NCKAP5: variants seen among roughly 807,000 people sequenced by gnomAD.
NCKAP5 encodes nck-associated protein 5.
A neutral mutation model predicts 167.0 loss-of-function variants in NCKAP5; 92 were observed. The observed-to-expected ratio is 0.55, with a 90% CI of 0.47 to 0.66. The LOEUF (loss-of-function observed/expected upper bound fraction) is 0.66, where lower values mean the gene tolerates loss of function less well. Ranked by LOEUF, NCKAP5 falls within the 30% of genes least tolerant of loss-of-function variation. The pLI, the probability that NCKAP5 is intolerant of heterozygous loss-of-function variation, is 0.00. For missense variants in NCKAP5, 2,378 were observed against 2,315.0 expected (o/e 1.03, Z -0.56); for synonymous variants, 891 against 877.4 (o/e 1.02, Z -0.27).
intron 11 of NCKAP5, among the ~76,000 whole-genome samples, chr2:132,855,874 G>C (rs1480165098): frequency 1.3e-5 from 2 of 152,142 alleles, no homozygotes; most frequent in Non-Finnish European, 2.9e-5. Context: ...ACATTTAAAA[G>C]TGTATAATGG....
chr2:133,172,318 G>C (rs183318310), intron 5 of NCKAP5, among the ~76,000 whole-genome samples: 1 of 152,294 alleles, frequency 6.6e-6, no homozygotes, highest in East Asian at 1.9e-4. Context: ...ACTCCAAACA[G>C]AGGAGCCCAG....
chr2:132,824,029 T>G (rs1172223133), intron 11 of NCKAP5, among the ~76,000 whole-genome samples: 2 of 152,164 alleles, frequency 1.3e-5, no homozygotes, highest in Non-Finnish European at 2.9e-5. Context: ...AGCTCCCAAA[T>G]GTATTGGGGT....
At chr2:132,830,199 T>C (rs1381570240) in intron 11 of NCKAP5, among the ~76,000 whole-genome samples, 1 of 152,230 alleles carries the variant, frequency 6.6e-6, no homozygotes, top group Admixed American at 6.5e-5. Context: ...CATGCTAGTC[T>C]TTCCAGCTCC....
chr2:132,813,267 C>T (rs1225828114), intron 11 of NCKAP5, among the ~76,000 whole-genome samples: 1 of 152,220 alleles, frequency 6.6e-6, no homozygotes, highest in Non-Finnish European at 1.5e-5. Flanking sequence ...GAGTTAGGAT[C>T]TCATTCCATC....
chr2:132,971,215 T>C (rs551594758), intron 7 of NCKAP5, among the ~76,000 whole-genome samples: 1 of 152,202 alleles, frequency 6.6e-6, no homozygotes, highest in African/African-American at 2.4e-5. Context: ...AGTTTCAAGG[T>C]GCTTTGAGAA....
At chr2:133,396,928 C>G (rs1295423884) in intron 3 of NCKAP5, among the ~76,000 whole-genome samples, 1 of 152,174 alleles carries the variant, frequency 6.6e-6, no homozygotes, top group African/African-American at 2.4e-5. Flanking sequence ...TTACTCTGAG[C>G]TTCCTGACTG....
the NCKAP5 span, among the ~76,000 whole-genome samples, chr2:133,668,660 A>G: frequency 6.6e-6 from 1 of 152,062 alleles, no homozygotes; most frequent in Non-Finnish European, 1.5e-5. Context: ...GTTGAGTTAT[A>G]AGCTTTCTCT....
chr2:132,954,897 C>T, intron 8 of NCKAP5: 1 of 317,842 alleles, frequency 3.1e-6, no homozygotes, highest in Non-Finnish European at 6.1e-6. Context: ...AAACTTCAAG[C>T]CCCTTTACCA....
chr2:133,576,746 G>C, the NCKAP5 span, among the ~76,000 whole-genome samples: 1 of 152,230 alleles, frequency 6.6e-6, no homozygotes, highest in Non-Finnish European at 1.5e-5. Flanking sequence ...AAAATAAAGT[G>C]CAGCTAATTG....
chr2:132,985,049 G>C (rs1415130770), intron 7 of NCKAP5, among the ~76,000 whole-genome samples: 1 of 151,540 alleles, frequency 6.6e-6, no homozygotes, highest in African/African-American at 2.4e-5. Context: ...AGATGAGCTG[G>C]GGAAACAGCG....
intron 6 of NCKAP5, chr2:133,118,959 C>T (rs780675153): frequency 1.3e-5 from 2 of 152,102 alleles, no homozygotes; most frequent in East Asian, 1.9e-4. Flanking sequence ...ACCTTCCTTA[C>T]AAACTTTGAA....
intron 3 of NCKAP5, among the ~76,000 whole-genome samples, chr2:133,456,196 A>G (rs907302209): frequency 6.6e-6 from 1 of 152,196 alleles, no homozygotes; most frequent in African/African-American, 2.4e-5. Flanking sequence ...TTCTTCACTA[A>G]CAAAACCCCC....
the NCKAP5 span, among the ~76,000 whole-genome samples, chr2:133,582,077 C>A: frequency 6.6e-6 from 1 of 152,172 alleles, no homozygotes; most frequent in African/African-American, 2.4e-5. Context: ...ATATCAATGG[C>A]CTCCTACTGA....
At chr2:133,232,871 A>G (rs1327408983) in intron 4 of NCKAP5, among the ~76,000 whole-genome samples, 5 of 152,230 alleles carry the variant, frequency 3.3e-5, no homozygotes, top group Non-Finnish European at 5.9e-5. Context: ...ACATCTTGAT[A>G]AGAATATACC....
chr2:133,092,869 A>G (rs1347989769), intron 6 of NCKAP5, among the ~76,000 whole-genome samples: 1 of 152,202 alleles, frequency 6.6e-6, no homozygotes, highest in Non-Finnish European at 1.5e-5. Context: ...AATCAGAATT[A>G]GAGGAATATA....
chr2:132,790,350 A>G (rs1290582615), intron 12 of NCKAP5, 145 bp from the exon 13 acceptor site: 2 of 711,202 alleles, frequency 2.8e-6, no homozygotes, highest in Admixed American at 5.8e-5. Context: ...GTAACTGGAA[A>G]ATCAGCTGAA....
At chr2:132,718,963 TG>T (rs1319827484) in intron 19 of NCKAP5, among the ~76,000 whole-genome samples, 1 of 152,156 alleles carries the variant, frequency 6.6e-6, no homozygotes, top group Admixed American at 6.5e-5. Flanking sequence ...ACTTTGGGCG[TG>T]GCTGATGAAG....
Position 132,979,173 on chromosome 2 carries a change from T to G in NCKAP5, c.429+14979A>C, listed in dbSNP as rs114196050. Among the ~76,000 whole-genome samples the G allele has an allele frequency of 2.2e-3, 342 of 152,338 alleles. 1 individual carries two copies. Among genetic ancestry groups the G allele is most frequent in the Non-Finnish European group, 4.3e-3 (292 of 68,042 alleles). On this transcript the variant is annotated intron_variant, in intron 7 of 19. Coordinates refer to ENST00000409261, the MANE Select transcript of NCKAP5 (RefSeq NM_207363.3). ...CTAACACTTGCTAATTGTTCAACTTTTAATAAAGGAAAATAGGCCTCAAGC... is the reference window on the plus strand; with the variant it reads ...CTAACACTTGCTAATTGTTCAACTTGTAATAAAGGAAAATAGGCCTCAAGC...
intron 2 of NCKAP5, among the ~76,000 whole-genome samples, chr2:133,554,856 A>T (rs1392864048): frequency 6.6e-6 from 1 of 152,168 alleles, no homozygotes; most frequent in Non-Finnish European, 1.5e-5. Flanking sequence ...AACTGAAGTC[A>T]CACATGAACT....
Sources: gnomAD v4.1 joint callset for allele counts (sites outside exome capture counted in the v4.1 genomes callset) on GRCh38, gnomAD v4.1.1 for gene constraint, MANE v1.5 for transcripts, NCBI Gene and HGNC (gene_info 2026-07-23, HGNC 2026-07-21) for gene names.